The following MTRR variants were observed in gnomAD, a reference collection of about 807,000 sequenced individuals.
MTRR encodes 5-methyltetrahydrofolate-homocysteine methyltransferase reductase, also known as methionine synthase reductase.
A neutral mutation model predicts 79.2 loss-of-function variants in MTRR; 63 were observed. That is an observed-to-expected ratio of 0.80 (90% confidence interval 0.65 to 0.98). The LOEUF (loss-of-function observed/expected upper bound fraction) is 0.98, where lower values mean the gene tolerates loss of function less well. Ranked by LOEUF, MTRR falls within the 50% of genes least tolerant of loss-of-function variation. MTRR has a pLI of 0.00. For synonymous variants in MTRR, 355 were observed against 313.3 expected (o/e 1.13, Z -1.41); for missense variants, 895 against 839.6 (o/e 1.07, Z -0.82).
chr5:7,859,161 C>T (rs1746359005), intron 1 of MTRR: 1 of 207,446 alleles, frequency 4.8e-6, no homozygotes, highest in South Asian at 1.8e-4. Flanking sequence ...TGACAAAATA[C>T]TTAAAAATAA....
Position 7,886,676 on chromosome 5 carries a change from T to C in MTRR, c.1119T>C (p.Cys373=), listed in dbSNP as rs1472653472. 1 of 1,613,824 alleles carries C rather than the reference T, an allele frequency of 6.2e-7. No homozygotes were observed. The highest frequency in any genetic ancestry group is 2.2e-5 in the East Asian group (1 of 44,876). ...GCSLQFIFTW[C]LEIRAIPKKA... ...CTCTCCAGTTCATTTTTACCTGGTG[T>C]CTTGAAATCCGAGCAATTCCTAAAA... Residue 373 remains cysteine, a synonymous_variant, in exon 8 of 15, where the codon TGT becomes TGC. Coordinates refer to ENST00000440940, the MANE Select transcript of MTRR (RefSeq NM_002454.3).
At chr5:7,899,853 T>G (rs1360326165) in intron 14 of MTRR, 61 bp from the exon 15 acceptor site, 1 of 1,594,148 alleles carries the variant, frequency 6.3e-7, no homozygotes, top group Non-Finnish European at 8.6e-7. Flanking sequence ...ACTTGTGAAT[T>G]AAGGAGGATT....
In MTRR at chr5:7,892,920, A is replaced by C; in HGVS notation, c.1557+7A>C. ...GAAAGCCCTGGCTCCTAAGGTAAGA[A>C]ATTAGTACCTTAACCTCAGCATTGT... On this transcript the variant is annotated splice_region_variant and intron_variant, in intron 11 of 14. Coordinates refer to ENST00000440940, the MANE Select transcript of MTRR (RefSeq NM_002454.3). 6.2e-7 allele frequency: 1 copy of C among 1,612,826 alleles called. No homozygotes were observed. The highest frequency in any genetic ancestry group is 8.5e-7 in the Non-Finnish European group (1 of 1,179,082).
intron 1 of MTRR, chr5:7,861,643 A>C: frequency 6.2e-7 from 1 of 1,608,762 alleles, no homozygotes; most frequent in Non-Finnish European, 8.5e-7. Context: ...ATCTAATTTA[A>C]TTTCAACATC....
rs1021309939 is a variant in MTRR at position 7,869,452 on chromosome 5, G to A, written c.-26+237G>A. On this transcript the variant is annotated intron_variant, in intron 1 of 14. Coordinates refer to ENST00000440940, the MANE Select transcript of MTRR (RefSeq NM_002454.3). ...CTCGGCGTCGGCCTCTGCCGCGGGA[G>A]GCCCCTGGGCGGCGTGGGGTCTCTC... 2.5e-4 allele frequency: 140 copies of A among 556,508 alleles called. No individual in the cohort carries two copies. In the East Asian group the frequency reaches 4.1e-3, roughly 16 times the overall value. 34.5% of individuals were successfully genotyped at this position (556,508 alleles called of 1,614,324 possible). A position where few individuals can be genotyped will look rare whatever the true frequency, so the allele number is the denominator to read the frequency against.
At chr5:7,862,796 A>G (rs1746647824) in intron 2 of MTRR, 1 of 1,585,226 alleles carries the variant, frequency 6.3e-7, no homozygotes, top group African/African-American at 1.4e-5. Flanking sequence ...TTAGGTTTAA[A>G]ACAACAAAAC....
Position 7,891,370 on chromosome 5 carries a change from A to G in MTRR, c.1328-2A>G. The G allele has an allele frequency of 6.3e-7, 1 of 1,584,546 alleles. No individual in the cohort carries two copies. Among genetic ancestry groups the G allele is most frequent in the Non-Finnish European group, 8.6e-7 (1 of 1,164,032 alleles). ...TAATTGCTTGTTTTTATTTTTTTCT[A>G]GAACATCTTCCTAAACTTCAACCCA... On this transcript the variant is annotated splice_acceptor_variant, in intron 9 of 14. Transcript: ENST00000440940. LOFTEE classifies it high-confidence loss of function.
Position 7,895,814 on chromosome 5 carries a change from A to C in MTRR, c.1638A>C (p.Gly546=). The change falls in exon 12 of 15, where the codon GGA becomes GGC. Residue 546 remains glycine, a synonymous_variant. Transcript: ENST00000440940. ...TCCCCATCATAATGGTGGGTCCAGG[A>C]ACCGGCATAGCCCCGTTTATTGGGT... ...PSIPIIMVGP[G]TGIAPFIGFL... The C allele has an allele frequency of 6.2e-7, 1 of 1,614,166 alleles. No homozygotes were observed. The highest frequency in any genetic ancestry group is 8.5e-7 in the Non-Finnish European group (1 of 1,180,002).
chr5:7,886,466 T>C (rs1736452997), intron 7 of MTRR, 149 bp from the exon 8 acceptor site: 1 of 654,460 alleles, frequency 1.5e-6, no homozygotes, highest in Non-Finnish European at 2.7e-6. Flanking sequence ...TTTTGGGGAA[T>C]TTTTTTGGCT....
intron 3 of MTRR, 162 bp from the exon 4 acceptor site, chr5:7,875,096 C>G (rs1748647391): frequency 7.7e-6 from 5 of 647,946 alleles, no homozygotes; most frequent in Non-Finnish European, 1.4e-5. Context: ...AAACTGCCTA[C>G]ATGCATAGAA....
chr5:7,850,932 G>T, upstream of MTRR: 1 of 1,355,884 alleles, frequency 7.4e-7, no homozygotes, highest in Non-Finnish European at 9.5e-7. Context: ...GCGGCGGGAT[G>T]TAGCTGAAGG....
At chr5:7,850,939 A>G, upstream of MTRR, 1 of 1,351,372 alleles carries the variant, frequency 7.4e-7, no homozygotes, top group Non-Finnish European at 9.5e-7. Flanking sequence ...GATGTAGCTG[A>G]AGGCGGACTG....
chr5:7,881,826 CTCTCTAGT>C (rs1643639189), intron 5 of MTRR, among the ~76,000 whole-genome samples: 1 of 152,102 alleles, frequency 6.6e-6, no homozygotes, highest in South Asian at 2.1e-4. Context: ...TCTGCTGTTT[CTCTCTAGT>C]TCTCAAGCAC....
chr5:7,876,515 A>G (rs1233654224), intron 4 of MTRR, among the ~76,000 whole-genome samples: 2 of 152,206 alleles, frequency 1.3e-5, no homozygotes, highest in Non-Finnish European at 2.9e-5. Context: ...TTGACTGTAT[A>G]TTTCAGTAGA....
chr5:7,876,317 C>T (rs1031871918), intron 4 of MTRR, among the ~76,000 whole-genome samples: 4 of 152,118 alleles, frequency 2.6e-5, no homozygotes, highest in African/African-American at 9.7e-5. Flanking sequence ...TAGCTCTGTA[C>T]CTTTATATTG....
rs1263334440 is a variant in MTRR, at chr5:7,889,146, A to G, written c.1198A>G (p.Arg400Gly). 1.2e-6 allele frequency: 2 copies of G among 1,614,172 alleles called. No homozygotes were observed. Among genetic ancestry groups the G allele is most frequent in the South Asian group, 1.1e-5 (1 of 91,084 alleles). ...TACCAGTGACAGTGCTGAAAAGCGC[A>G]GGCTACAGGAGCTGTGCAGTAAACA... ...DYTSDSAEKR[R>G]LQELCSKQGA... is the part of the protein sequence containing the mutation. Residue 400 changes from arginine (R) to glycine (G), a missense_variant, in exon 9 of 15, where the codon AGG becomes GGG. Arg to Gly is a moderately radical substitution (Grantham distance 125, BLOSUM62 -2). Coordinates refer to ENST00000440940, the MANE Select transcript of MTRR (RefSeq NM_002454.3).
chr5:7,855,813 CTG>C lies in MTRR; in HGVS notation n.391+4231_391+4232del, dbSNP rs1434365580. Among the ~76,000 whole-genome samples the C allele has an allele frequency of 2.0e-5, 3 of 152,142 alleles. No individual in the cohort carries two copies. In the South Asian group the frequency reaches 6.2e-4, roughly 31 times the overall value. On this transcript the variant is annotated intron_variant and non_coding_transcript_variant, in intron 1 of 3. Transcript: ENST00000502509. ...CACTGTGAGCACTCTGTATCGGAGA[CTG>C]TGGGAGTGGGAGGGAGATGTTTGCT...
intron 2 of MTRR, among the ~76,000 whole-genome samples, chr5:7,871,772 A>T (rs1485649036): frequency 1.3e-5 from 2 of 152,152 alleles, no homozygotes; most frequent in Non-Finnish European, 2.9e-5. Flanking sequence ...TGCCACGGTA[A>T]CTCTGGACAC....
At chr5:7,861,620 C>T (rs774194001) in intron 1 of MTRR, 6 of 1,607,280 alleles carry the variant, frequency 3.7e-6, no homozygotes, top group East Asian at 4.5e-5. Context: ...GATGGCAATA[C>T]AAATCCTTCT....
Sources: allele counts gnomAD v4.1 joint callset (sites outside exome capture counted in the v4.1 genomes callset), GRCh38; gene constraint gnomAD v4.1.1; transcripts MANE v1.5; gene names NCBI Gene and HGNC (gene_info 2026-07-23, HGNC 2026-07-21).